Variants in ARIH2 observed in about 807,000 individuals in gnomAD.
ARIH2 encodes E3 ubiquitin-protein ligase ARIH2.
In ARIH2, 12 loss-of-function variants were observed where a neutral mutation model predicts 79.8. The observed-to-expected ratio is 0.15, with a 90% CI of 0.10 to 0.24. The LOEUF is 0.24. Among genes scored for constraint, ARIH2 ranks in the 10% least tolerant of loss-of-function variants. The pLI, the probability that ARIH2 is intolerant of heterozygous loss-of-function variation, is 1.00. For missense variants in ARIH2, 301 were observed against 618.3 expected (o/e 0.49, Z 5.44); for synonymous variants, 224 against 213.9 (o/e 1.05, Z -0.41).
In ARIH2 at chr3:48,919,016, G is replaced by A; in HGVS notation, c.-162+18G>A. On this transcript the variant is annotated intron_variant, in intron 1 of 15. Coordinates refer to ENST00000356401, the MANE Select transcript of ARIH2 (RefSeq NM_006321.4). ...AGCTCCCGGTAAGTGCGCGGCGCAC[G>A]TCACGGCCTTGTTTACCTTGGCTGG... 1 of 1,424,550 alleles carries A rather than the reference G, an allele frequency of 7.0e-7. No homozygotes were observed. Among genetic ancestry groups the A allele is most frequent in the Non-Finnish European group, 9.1e-7 (1 of 1,095,032 alleles). 88.2% of individuals were successfully genotyped at this position (1,424,550 alleles called of 1,614,324 possible).
intron 3 of ARIH2, among the ~76,000 whole-genome samples, chr3:48,932,549 A>C (rs1049813654): frequency 6.6e-6 from 1 of 152,174 alleles, no homozygotes; most frequent in Non-Finnish European, 1.5e-5. Context: ...TCAGTTATTC[A>C]GTGAGTCCTT....
intron 3 of ARIH2, chr3:48,949,147 G>C (rs1218145869): frequency 2.2e-6 from 1 of 454,164 alleles, no homozygotes; most frequent in Non-Finnish European, 4.4e-6. Flanking sequence ...AGACGGAGTC[G>C]TGCTCTGTTG....
At chr3:48,981,158 C>T (rs1319499338) in intron 13 of ARIH2, among the ~76,000 whole-genome samples, 1 of 151,656 alleles carries the variant, frequency 6.6e-6, no homozygotes, top group Non-Finnish European at 1.5e-5. Flanking sequence ...GAGAAAACCC[C>T]GTCTCTACAA....
At chr3:48,956,249 C>T (rs971315280) in intron 3 of ARIH2, among the ~76,000 whole-genome samples, 1 of 151,402 alleles carries the variant, frequency 6.6e-6, no homozygotes, top group South Asian at 2.1e-4. Flanking sequence ...AGCAATTCTA[C>T]TGCCTCAGCC....
intron 3 of ARIH2, among the ~76,000 whole-genome samples, chr3:48,938,401 T>G (rs1235767966): frequency 6.6e-6 from 1 of 151,978 alleles, no homozygotes; most frequent in East Asian, 1.9e-4. Context: ...CCCATAGAAC[T>G]GCATACTTCT....
chr3:48,953,603 G>C (rs1056542866), intron 3 of ARIH2, among the ~76,000 whole-genome samples: 1 of 151,496 alleles, frequency 6.6e-6, no homozygotes, highest in Non-Finnish European at 1.5e-5. Flanking sequence ...GGGTTTCACC[G>C]TGTCAGCCAG....
At chr3:48,982,554 A>G (rs940024719) in intron 14 of ARIH2, among the ~76,000 whole-genome samples, 8 of 152,218 alleles carry the variant, frequency 5.3e-5, no homozygotes, top group Non-Finnish European at 5.9e-5. Context: ...ATGAAGTGAT[A>G]GTGTCTGAGA....
At chr3:48,948,203 C>T (rs1033914878) in intron 3 of ARIH2, among the ~76,000 whole-genome samples, 2 of 152,014 alleles carry the variant, frequency 1.3e-5, no homozygotes, top group African/African-American at 4.8e-5. Context: ...CCTTGTGATC[C>T]GCCCGCCTCG....
chr3:48,973,607 T>G, intron 8 of ARIH2, 92 bp from the exon 9 acceptor site: 5 of 849,186 alleles, frequency 5.9e-6, no homozygotes, highest in Non-Finnish European at 1.9e-6. Flanking sequence ...AAAGCTCTAA[T>G]TCATGATTTG....
chr3:48,923,914 G>A (rs988564565), intron 2 of ARIH2, among the ~76,000 whole-genome samples: 1 of 152,114 alleles, frequency 6.6e-6, no homozygotes, highest in Non-Finnish European at 1.5e-5. Flanking sequence ...CAGGAGGATC[G>A]CTTGAGGCCA....
intron 11 of ARIH2, among the ~76,000 whole-genome samples, chr3:48,978,429 G>A (rs1306393973): frequency 9.1e-5 from 9 of 98,988 alleles, no homozygotes; most frequent in African/African-American, 2.2e-4. Context: ...GTATGTGTGT[G>A]TGTGTGTGTG....
chr3:48,976,182 G>GATT (rs1450371930), intron 11 of ARIH2, among the ~76,000 whole-genome samples: 2 of 148,270 alleles, frequency 1.3e-5, no homozygotes, highest in African/African-American at 5.0e-5. Flanking sequence ...AAAGTGCTGG[G>GATT]ATTATAGGCA....
chr3:48,956,227 C>T (rs548505490), intron 3 of ARIH2, among the ~76,000 whole-genome samples: 3 of 151,586 alleles, frequency 2.0e-5, no homozygotes, highest in Non-Finnish European at 2.9e-5. Flanking sequence ...CAACCTCCAT[C>T]TCCTGGGTTC....
At chr3:48,981,260 A>C (rs1405778268) in intron 13 of ARIH2, among the ~76,000 whole-genome samples, 1 of 151,112 alleles carries the variant, frequency 6.6e-6, no homozygotes, top group Non-Finnish European at 1.5e-5. Flanking sequence ...TGAGTCTGGG[A>C]GGCAGAGTTT....
chr3:48,966,977 T>C, intron 5 of ARIH2, 148 bp from the exon 6 acceptor site: 1 of 872,098 alleles, frequency 1.1e-6, no homozygotes, highest in Non-Finnish European at 1.8e-6. Flanking sequence ...CTTAGTACCC[T>C]TGGGACTCAG....
chr3:48,944,433 G>GA (rs1410257363), intron 3 of ARIH2, among the ~76,000 whole-genome samples: 1 of 152,116 alleles, frequency 6.6e-6, no homozygotes, highest in Admixed American at 6.5e-5. Context: ...AATTAGAACT[G>GA]AATCAAGGTT....
At chr3:48,972,839 C>A (rs1018662176) in intron 8 of ARIH2, among the ~76,000 whole-genome samples, 1 of 152,102 alleles carries the variant, frequency 6.6e-6, no homozygotes, top group Non-Finnish European at 1.5e-5. Flanking sequence ...CTTAGACTCT[C>A]TAGTAGCTGG....
At chr3:48,966,121 A>G (rs192747592) in intron 5 of ARIH2, among the ~76,000 whole-genome samples, 521 of 152,328 alleles carry the variant, frequency 3.4e-3, no homozygotes, top group African/African-American at 0.012. Context: ...TTAACAATGC[A>G]TAGCAATTTC....
intron 3 of ARIH2, among the ~76,000 whole-genome samples, chr3:48,954,148 G>A (rs529041109): frequency 4.7e-5 from 7 of 150,414 alleles, no homozygotes; most frequent in East Asian, 2.0e-4. Flanking sequence ...GGACAGGAGC[G>A]AGACTTTGTC....
Sources: allele counts gnomAD v4.1 joint callset (sites outside exome capture counted in the v4.1 genomes callset), GRCh38; gene constraint gnomAD v4.1.1; transcripts MANE v1.5; gene names NCBI Gene and HGNC (gene_info 2026-07-23, HGNC 2026-07-21).